PFKFB3: variants seen among roughly 807,000 people sequenced by gnomAD.
PFKFB3 encodes 6-phosphofructo-2-kinase/fructose-2,6-bisphosphatase 3.
PFKFB3 carries 33 observed loss-of-function variants against 68.0 expected under a neutral mutation model. The ratio of observed to expected loss-of-function variants is 0.49; its 90% CI spans 0.37 to 0.65. The LOEUF (loss-of-function observed/expected upper bound fraction) is 0.65, where lower values mean the gene tolerates loss of function less well. Among genes scored for constraint, PFKFB3 ranks in the 30% least tolerant of loss-of-function variants. The pLI is 0.00. For missense variants in PFKFB3, 586 were observed against 712.2 expected, an observed-to-expected ratio of 0.82 and a Z score of 2.02; for synonymous variants, 315 against 288.2, an observed-to-expected ratio of 1.09 and a Z score of -0.94.
At chr10:6,319,067 A>G in the PFKFB3 span, among the ~76,000 whole-genome samples, 3 of 152,164 alleles carry the variant, frequency 2.0e-5, no homozygotes, top group Non-Finnish European at 4.4e-5. Flanking sequence ...AATATTCTAA[A>G]AGTGCCTTAT....
intron 1 of PFKFB3, among the ~76,000 whole-genome samples, chr10:6,173,894 G>A (rs1002436733): frequency 2.0e-5 from 3 of 152,132 alleles, no homozygotes; most frequent in African/African-American, 2.4e-5. Context: ...CCCTGTCAGC[G>A]GAATGCGCAG....
At chr10:6,311,996 C>A in the PFKFB3 span, among the ~76,000 whole-genome samples, 1 of 152,174 alleles carries the variant, frequency 6.6e-6, no homozygotes, top group Non-Finnish European at 1.5e-5. Context: ...TAAAGAGGGC[C>A]TTGTTCATAA....
chr10:6,325,122 A>G, the PFKFB3 span, among the ~76,000 whole-genome samples: 1 of 151,876 alleles, frequency 6.6e-6, no homozygotes, highest in Non-Finnish European at 1.5e-5. Flanking sequence ...GGCCACCACA[A>G]CTGCTAATTT....
Position 6,203,175 on chromosome 10 carries a change from CCTT to C in PFKFB3, c.-85_-83del. On this transcript the variant is annotated 5_prime_UTR_variant, in exon 1 of 15. Transcript: ENST00000379775. ...GCGCCGGCGCACGCCCCCCTCTCCT[CCTT>C]TGTTCCGGGGGTCGGCGGCCGCTCT... The C allele has an allele frequency of 1.9e-6, 3 of 1,549,984 alleles. No homozygotes were observed. Among genetic ancestry groups the C allele is most frequent in the Non-Finnish European group, 2.6e-6 (3 of 1,148,428 alleles).
chr10:6,156,260 C>T (rs1241632215), intron 1 of PFKFB3, among the ~76,000 whole-genome samples: 4 of 150,208 alleles, frequency 2.7e-5, no homozygotes, highest in African/African-American at 9.8e-5. Flanking sequence ...CTCAAGCAAT[C>T]CTCTTGCTTC....
chr10:6,320,443 A>T, the PFKFB3 span, among the ~76,000 whole-genome samples: 1 of 151,760 alleles, frequency 6.6e-6, no homozygotes. Flanking sequence ...TGTCATGAAG[A>T]AACAGCTTCT....
the PFKFB3 span, among the ~76,000 whole-genome samples, chr10:6,289,322 GT>G: frequency 2.6e-5 from 4 of 151,472 alleles, no homozygotes; most frequent in African/African-American, 9.7e-5. Context: ...TTCTTCTAGG[GT>G]TTTTATGGTT....
At chr10:6,195,080 C>T (rs910720357) in intron 1 of PFKFB3, among the ~76,000 whole-genome samples, 1 of 152,148 alleles carries the variant, frequency 6.6e-6, no homozygotes, top group Non-Finnish European at 1.5e-5. Context: ...CCACATTGGT[C>T]AGTCTGGTCT....
At chr10:6,185,958 GA>G (rs1267391409) in intron 1 of PFKFB3, among the ~76,000 whole-genome samples, 1 of 151,984 alleles carries the variant, frequency 6.6e-6, no homozygotes, top group East Asian at 1.9e-4. Flanking sequence ...CCAGTTTTAA[GA>G]ACTCGAGCCC....
At position 6,203,154 on chromosome 10, in the gene PFKFB3, C is replaced by A; in HGVS notation, c.-107C>A. On this transcript the variant is annotated 5_prime_UTR_variant, in exon 1 of 15. Coordinates refer to ENST00000379775, the MANE Select transcript of PFKFB3 (RefSeq NM_004566.4). Reference sequence around the variant, plus strand: ...GCGCAGGAAACGCCCGGCCGCGCGCCGGCGCACGCCCCCCTCTCCTCCTTT... The same window carrying A: ...GCGCAGGAAACGCCCGGCCGCGCGCAGGCGCACGCCCCCCTCTCCTCCTTT... 6.6e-7 allele frequency: 1 copy of A among 1,506,440 alleles called. No homozygotes were observed. The highest frequency in any genetic ancestry group is 8.8e-7 in the Non-Finnish European group (1 of 1,130,338). 93.3% of individuals were successfully genotyped at this position (1,506,440 alleles called of 1,614,324 possible).
intron 1 of PFKFB3, among the ~76,000 whole-genome samples, chr10:6,145,232 C>T (rs1841340298): frequency 6.6e-6 from 1 of 152,100 alleles, no homozygotes; most frequent in South Asian, 2.1e-4. Flanking sequence ...CGCACTGTCT[C>T]CTCCGGTCCT....
At chr10:6,286,007 T>C in the PFKFB3 span, among the ~76,000 whole-genome samples, 1 of 132,846 alleles carries the variant, frequency 7.5e-6, no homozygotes, top group African/African-American at 2.9e-5. Context: ...AGATGGAGTC[T>C]CGCTCTGTCG....
chr10:6,231,201 G>T, intron 14 of PFKFB3: 1 of 1,188,348 alleles, frequency 8.4e-7, no homozygotes. Flanking sequence ...TCCTACTAAA[G>T]ATTTTCTTTT....
At chr10:6,145,602 TG>T (rs1841361000) in intron 1 of PFKFB3, among the ~76,000 whole-genome samples, 1 of 152,160 alleles carries the variant, frequency 6.6e-6, no homozygotes, top group South Asian at 2.1e-4. Context: ...TGGGCAGCTC[TG>T]GCCTGAGTCC....
intron 1 of PFKFB3, among the ~76,000 whole-genome samples, chr10:6,189,703 T>TG (rs1842974929): frequency 6.6e-6 from 1 of 151,752 alleles, no homozygotes; most frequent in South Asian, 2.1e-4. Context: ...TTAGTAGTGA[T>TG]GGGGTTTCAC....
chr10:6,295,636 A>T, the PFKFB3 span, among the ~76,000 whole-genome samples: 41 of 152,010 alleles, frequency 2.7e-4, no homozygotes, highest in Non-Finnish European at 5.4e-4. Context: ...ATCAAGTCTT[A>T]GTCTTTTAGT....
the PFKFB3 span, among the ~76,000 whole-genome samples, chr10:6,304,218 G>A: frequency 6.6e-6 from 1 of 152,084 alleles, no homozygotes; most frequent in East Asian, 1.9e-4. Context: ...TAGATAGAAA[G>A]CTCCCTTTTA....
At chr10:6,223,498 T>C (rs1845105731) in intron 11 of PFKFB3, among the ~76,000 whole-genome samples, 1 of 152,176 alleles carries the variant, frequency 6.6e-6, no homozygotes, top group Non-Finnish European at 1.5e-5. Flanking sequence ...TAAAGTCTTC[T>C]TCTGGGGCCA....
chr10:6,264,327 C>T, the PFKFB3 span, among the ~76,000 whole-genome samples: 14 of 152,166 alleles, frequency 9.2e-5, 1 homozygote, highest in Admixed American at 5.9e-4. Context: ...TATTCTTGGC[C>T]CGTTGGATTT....
Sources: gnomAD v4.1 joint callset for allele counts (sites outside exome capture counted in the v4.1 genomes callset) on GRCh38, gnomAD v4.1.1 for gene constraint, MANE v1.5 for transcripts, NCBI Gene and HGNC (gene_info 2026-07-23, HGNC 2026-07-21) for gene names.